CACNA2D2: variants seen among roughly 807,000 people sequenced by gnomAD.
CACNA2D2 encodes the protein voltage-dependent calcium channel subunit alpha-2/delta-2.
In CACNA2D2, 48 loss-of-function variants were observed where a neutral mutation model predicts 166.4. That is an observed-to-expected ratio of 0.29 (90% CI 0.23 to 0.37). The LOEUF (loss-of-function observed/expected upper bound fraction) is 0.37. Ranked by LOEUF, CACNA2D2 falls within the 10% of genes least tolerant of loss-of-function variation. The probability of loss-of-function intolerance (pLI) is 1.00; values close to 1 mark genes in which losing one functional copy is unlikely to be tolerated. For missense variants in CACNA2D2, 1,122 were observed against 1,433.0 expected, an observed-to-expected ratio of 0.78 and a Z score of 3.50; for synonymous variants, 561 against 573.7, an observed-to-expected ratio of 0.98 and a Z score of 0.32.
chr3:50,409,931 C>T (rs1706914165), intron 3 of CACNA2D2, among the ~76,000 whole-genome samples: 1 of 152,206 alleles, frequency 6.6e-6, no homozygotes, highest in Non-Finnish European at 1.5e-5. Flanking sequence ...CTTGTCTTCC[C>T]ATGTGGCCTT....
intron 3 of CACNA2D2, among the ~76,000 whole-genome samples, chr3:50,412,557 C>T (rs1021007357): frequency 7.0e-5 from 10 of 142,640 alleles, no homozygotes; most frequent in Admixed American, 3.6e-4. Flanking sequence ...CAGCCCTAGG[C>T]GGCCAGCAGG....
intron 16 of CACNA2D2, 44 bp downstream of exon 16, chr3:50,377,688 C>T: frequency 6.3e-7 from 1 of 1,588,426 alleles, no homozygotes; most frequent in Non-Finnish European, 8.6e-7. Context: ...CATGCCCATT[C>T]CTCCCCAGGC....
chr3:50,402,217 G>A (rs1357909498), intron 3 of CACNA2D2, among the ~76,000 whole-genome samples: 1 of 152,276 alleles, frequency 6.6e-6, no homozygotes, highest in African/African-American at 2.4e-5. Context: ...AGTGTGAACA[G>A]GGAGAGGGTG....
Position 50,365,282 on chromosome 3 carries a change from T to TTCCA in CACNA2D2, c.3098+70_3098+73dup. ...CCCGGCCGCTCGGAGGCCCCGCCCC[T>TTCCA]TCCATCCTCCCGAGCGTCTCGCCCC... On this transcript the variant is annotated intron_variant, in intron 35 of 37. Transcript: ENST00000424201. The surrounding 1 kb of genome is among the most constrained non-coding windows in gnomAD (Gnocchi z 4.5). 9.3e-7 allele frequency: 1 copy of TTCCA among 1,079,032 alleles called. No individual in the cohort carries two copies. The highest frequency in any genetic ancestry group is 1.9e-5 in the South Asian group (1 of 53,154). The allele number at this position is 1,079,032 out of a possible 1,614,324, so 66.8% of individuals were successfully genotyped here.
chr3:50,493,989 C>T (rs933786830), intron 1 of CACNA2D2, among the ~76,000 whole-genome samples: 3 of 152,244 alleles, frequency 2.0e-5, no homozygotes, highest in African/African-American at 4.8e-5. Context: ...TCAGCCCAGG[C>T]AAGGCCTCAG....
chr3:50,482,925 G>A (rs1241413298), intron 1 of CACNA2D2, among the ~76,000 whole-genome samples: 1 of 152,134 alleles, frequency 6.6e-6, no homozygotes, highest in African/African-American at 2.4e-5. Context: ...GCTGGCAGAG[G>A]GCAACAGTCT....
intron 3 of CACNA2D2, among the ~76,000 whole-genome samples, chr3:50,433,820 A>G (rs1047097871): frequency 6.6e-6 from 1 of 152,112 alleles, no homozygotes. Context: ...GCAGAGAAAC[A>G]TTCAAAGCCA....
intron 3 of CACNA2D2, among the ~76,000 whole-genome samples, chr3:50,401,760 G>A (rs1706463286): frequency 6.6e-6 from 1 of 151,970 alleles, no homozygotes; most frequent in African/African-American, 2.4e-5. Context: ...CCAGGCTGGA[G>A]TGCAGTGGTG....
chr3:50,416,717 G>A (rs770561815), intron 3 of CACNA2D2, among the ~76,000 whole-genome samples: 8 of 152,024 alleles, frequency 5.3e-5, no homozygotes, highest in African/African-American at 1.9e-4. Flanking sequence ...GTGTGGTCTC[G>A]GGCAAGTCTC....
chr3:50,490,203 A>G (rs967458884), intron 1 of CACNA2D2, among the ~76,000 whole-genome samples: 1 of 152,178 alleles, frequency 6.6e-6, no homozygotes, highest in African/African-American at 2.4e-5. Flanking sequence ...AGATTTTGGC[A>G]ACTGGCTGCA....
At chr3:50,489,256 C>T (rs1698419304) in intron 1 of CACNA2D2, among the ~76,000 whole-genome samples, 1 of 152,206 alleles carries the variant, frequency 6.6e-6, no homozygotes, top group Non-Finnish European at 1.5e-5. Context: ...TCAGGGCCCA[C>T]AGCTCCAGGG....
chr3:50,447,145 G>A (rs536253344), intron 2 of CACNA2D2, among the ~76,000 whole-genome samples: 8 of 152,328 alleles, frequency 5.3e-5, no homozygotes, highest in South Asian at 2.1e-4. Flanking sequence ...GAGAGCTTCC[G>A]GGGGAGGGGA....
chr3:50,364,444 G>T lies in CACNA2D2; in HGVS notation c.*222C>A, dbSNP rs1704097869. 3.4e-6 allele frequency: 2 copies of T among 581,594 alleles called. No homozygotes were observed. The highest frequency in any genetic ancestry group is 3.5e-5 in the Admixed American group (1 of 28,760). The allele number at this position is 581,594 out of a possible 1,614,324, so 36.0% of individuals were successfully genotyped here. Reference sequence around the variant, plus strand: ...AGGCAAGAAGGGTCTGGGGACACTTGAACAGTTCGGAGGTGAGATGTGATT... The same window carrying T: ...AGGCAAGAAGGGTCTGGGGACACTTTAACAGTTCGGAGGTGAGATGTGATT... On this transcript the variant is annotated 3_prime_UTR_variant, in exon 38 of 38. Transcript: ENST00000424201.
chr3:50,396,322 C>G (rs752712466), intron 3 of CACNA2D2, among the ~76,000 whole-genome samples: 30 of 152,184 alleles, frequency 2.0e-4, no homozygotes, highest in Admixed American at 4.6e-4. Context: ...CTCTCATCCT[C>G]ATCACCTATT....
chr3:50,503,162 G>A, intron 1 of CACNA2D2, 56 bp downstream of exon 1: 2 of 1,052,360 alleles, frequency 1.9e-6, no homozygotes, highest in South Asian at 4.7e-5. Flanking sequence ...GCGGACCGGG[G>A]GCAGAGCGGG....
intron 1 of CACNA2D2, among the ~76,000 whole-genome samples, chr3:50,487,426 G>A (rs1698335928): frequency 6.6e-6 from 1 of 152,222 alleles, no homozygotes; most frequent in Non-Finnish European, 1.5e-5. Context: ...CCACCAGGGA[G>A]CCTGAGCCAG....
intron 3 of CACNA2D2, among the ~76,000 whole-genome samples, chr3:50,420,597 T>C (rs1707505125): frequency 6.6e-6 from 1 of 152,150 alleles, no homozygotes; most frequent in African/African-American, 2.4e-5. Flanking sequence ...TCCTGAGAGA[T>C]GAACCAAACC....
In CACNA2D2 at chr3:50,365,171, G is replaced by T; in HGVS notation, c.3112C>A (p.Gln1038Lys). 1 of 1,612,138 alleles carries T rather than the reference G, an allele frequency of 6.2e-7. No homozygotes were observed. Reference sequence around the variant, plus strand: ...AGAAGATTGGTGTTGGTCAGTCTCTGCGCGTGGAACAGCCTGCGGGCAGCC... The same window carrying T: ...AGAAGATTGGTGTTGGTCAGTCTCTTCGCGTGGAACAGCCTGCGGGCAGCC... ...CGNCSRLFHA[Q>K]RLTNTNLLFV... is the part of the protein sequence containing the mutation. Residue 1038 changes from glutamine to lysine, a missense_variant, in exon 36 of 38, where the codon CAG becomes AAG. Coordinates refer to ENST00000424201, the MANE Select transcript of CACNA2D2 (RefSeq NM_006030.4). The surrounding 1 kb of genome is among the most constrained non-coding windows in gnomAD (Gnocchi z 4.5).
intron 4 of CACNA2D2, among the ~76,000 whole-genome samples, chr3:50,390,927 C>T (rs1705857247): frequency 6.6e-6 from 1 of 152,234 alleles, no homozygotes; most frequent in Non-Finnish European, 1.5e-5. Flanking sequence ...CCTGTGCAGG[C>T]CTAGGCCAGC....
Sources: allele counts gnomAD v4.1 joint callset (sites outside exome capture counted in the v4.1 genomes callset), GRCh38; gene constraint gnomAD v4.1.1; non-coding constraint Gnocchi (gnomAD v3.1); transcripts MANE v1.5; gene names NCBI Gene and HGNC (gene_info 2026-07-23, HGNC 2026-07-21).